The following VPS51 variants were observed in gnomAD, a reference collection of about 807,000 sequenced individuals.
The protein encoded by VPS51 is VPS51 subunit of GARP complex, also known as vacuolar protein sorting-associated protein 51 homolog.
Under a neutral mutation model 65.1 loss-of-function variants are expected in VPS51, and 55 were observed. The ratio of observed to expected loss-of-function variants is 0.84; its 90% CI spans 0.68 to 1.06. VPS51 has a LOEUF of 1.06. Among genes scored for constraint, VPS51 ranks in the 50% least tolerant of loss-of-function variants. The pLI is 0.00. For missense variants in VPS51, 943 were observed against 1,101.6 expected (o/e 0.86, Z 2.04); for synonymous variants, 473 against 489.5 (o/e 0.97, Z 0.44).
intron 5 of VPS51, 128 bp from the exon 6 acceptor site, chr11:65,109,152 A>C: frequency 8.9e-7 from 1 of 1,123,816 alleles, no homozygotes; most frequent in Non-Finnish European, 1.2e-6. Context: ...GCTCCGGGGT[A>C]CTTAGAATGT....
intron 2 of VPS51, among the ~76,000 whole-genome samples, chr11:65,097,856 C>CAA (rs201119869): frequency 6.7e-6 from 1 of 148,962 alleles, no homozygotes; most frequent in African/African-American, 2.5e-5. Context: ...GACCCTGTCT[C>CAA]AAAAAAAAGA....
chr11:65,109,125 C>T, intron 5 of VPS51, 155 bp from the exon 6 acceptor site: 1 of 1,042,632 alleles, frequency 9.6e-7, no homozygotes, highest in East Asian at 2.6e-5. Context: ...CTTTCTCTGC[C>T]CCCACTCAGG....
chr11:65,104,813 T>C (rs970239392), intron 2 of VPS51, among the ~76,000 whole-genome samples: 1 of 152,176 alleles, frequency 6.6e-6, no homozygotes, highest in African/African-American at 2.4e-5. Flanking sequence ...ACACAGAGAA[T>C]TGGAAGGCGC....
chr11:65,110,250 G>T, intron 7 of VPS51: 1 of 705,760 alleles, frequency 1.4e-6, no homozygotes, highest in Admixed American at 2.9e-5. Flanking sequence ...TCAGGGCAGG[G>T]TTGGTGCTGG....
chr11:65,107,912 C>T lies in VPS51; in HGVS notation c.615C>T (p.Arg205=). The T allele has an allele frequency of 1.3e-6, 2 of 1,553,910 alleles. No individual in the cohort carries two copies. The highest frequency in any genetic ancestry group is 1.2e-5 in the South Asian group (1 of 84,680). Residue 205 remains arginine (R), a synonymous_variant, in exon 4 of 10, where the codon CGC becomes CGT. Transcript: ENST00000279281. The surrounding 1 kb of genome is among the most constrained non-coding windows in gnomAD (Gnocchi z 4.0). ...AYGQAVRYQG[R]AQAVLQQYQH... is the part of the protein sequence containing the mutation. ...GGCAGGCGGTGCGCTACCAGGGCCG[C>T]GCGCAGGCCGTGCTGCAGCAGTACC...
Position 65,096,313 on chromosome 11 carries a change from G to A in VPS51, c.63G>A (p.Gly21=), listed in dbSNP as rs974578367. 2 of 1,507,450 alleles carry A rather than the reference G, an allele frequency of 1.3e-6. No homozygotes were observed. Among genetic ancestry groups the A allele is most frequent in the East Asian group, 5.2e-5 (2 of 38,782 alleles). 93.4% of individuals were successfully genotyped at this position (1,507,450 alleles called of 1,614,324 possible). ...CTGGACCTGGGGACTCCCCAGAAGG[G>A]CCCGAGGGGGAGGCTCCGGAGCGTC... ...PGSGPGDSPE[G]PEGEAPERRR... Residue 21 remains glycine, a synonymous_variant, in exon 1 of 10, where the codon GGG becomes GGA. Coordinates refer to ENST00000279281, the MANE Select transcript of VPS51 (RefSeq NM_013265.4).
rs1012897726 is a variant in VPS51 at position 65,109,128 on chromosome 11, C to T, written c.1444-152C>T. 1.0e-4 allele frequency: 105 copies of T among 1,048,282 alleles called. No homozygotes were observed. In the African/African-American group the frequency reaches 1.4e-3, roughly 14 times the overall value. The allele number at this position is 1,048,282 out of a possible 1,614,324, so 64.9% of individuals were successfully genotyped here. A position where few individuals can be genotyped will look rare whatever the true frequency, so the allele number is the denominator to read the frequency against. ...CCCCAGTGTTGGCTTTCTCTGCCCCCACTCAGGGAAGCTGCTCCGGGGTAC... is the reference window on the plus strand; with the variant it reads ...CCCCAGTGTTGGCTTTCTCTGCCCCTACTCAGGGAAGCTGCTCCGGGGTAC... On this transcript the variant is annotated intron_variant, in intron 5 of 9. Coordinates refer to ENST00000279281, the MANE Select transcript of VPS51 (RefSeq NM_013265.4).
chr11:65,108,711 C>T lies in VPS51; in HGVS notation c.1240C>T (p.Leu414Phe). 6.2e-7 allele frequency: 1 copy of T among 1,606,446 alleles called. No homozygotes were observed. The highest frequency in any genetic ancestry group is 8.5e-7 in the Non-Finnish European group (1 of 1,178,506). Residue 414 changes from leucine (L) to phenylalanine (F), a missense_variant, in exon 5 of 10, where the codon CTC becomes TTC. Transcript: ENST00000279281. The stretch of plus-strand genomic sequence containing the variant: ...GCGCCTGGGCCACCACCTGCAGGGT[C>T]TCCGGGCGGCCTTCCTGGGCTGCCT... ...RERLGHHLQGLRAAFLGCLTD... is the reference protein window; with the variant it reads ...RERLGHHLQGFRAAFLGCLTD...
At chr11:65,109,044 G>T in intron 5 of VPS51, 130 bp downstream of exon 5, 1 of 1,228,784 alleles carries the variant, frequency 8.1e-7, no homozygotes, top group Admixed American at 2.1e-5. Flanking sequence ...GCACGGTCTG[G>T]GGGGTGGGGA....
intron 2 of VPS51, among the ~76,000 whole-genome samples, chr11:65,098,678 T>C (rs1000959415): frequency 6.6e-6 from 1 of 152,176 alleles, no homozygotes; most frequent in Non-Finnish European, 1.5e-5. Flanking sequence ...ATTCCATGAG[T>C]AGGCACCTTT....
At chr11:65,102,315 T>G (rs1011748972) in intron 2 of VPS51, among the ~76,000 whole-genome samples, 2 of 152,220 alleles carry the variant, frequency 1.3e-5, no homozygotes, top group African/African-American at 4.8e-5. Context: ...CCTGCTTTTC[T>G]TAACAAGCTT....
chr11:65,107,740 G>A lies in VPS51; in HGVS notation c.505+13G>A, dbSNP rs996504887. 6.2e-6 allele frequency: 10 copies of A among 1,605,674 alleles called. No individual in the cohort carries two copies. In the African/African-American group the frequency reaches 9.4e-5, roughly 15 times the overall value. ...ACCAAGCTGGCAGGTGGGCGCTGCC[G>A]GGCAGGGCCTGCAGTGGGCCTTTCC... On this transcript the variant is annotated intron_variant, in intron 3 of 9. Transcript: ENST00000279281. This position sits in a 1 kb window ranked among gnomAD's most constrained non-coding sequence, Gnocchi z 4.0.
chr11:65,108,730 G>A lies in VPS51; in HGVS notation c.1259G>A (p.Gly420Asp). The A allele has an allele frequency of 6.2e-7, 1 of 1,610,204 alleles. No homozygotes were observed. Among genetic ancestry groups the A allele is most frequent in the Non-Finnish European group, 8.5e-7 (1 of 1,179,496 alleles). ...CAGGGTCTCCGGGCGGCCTTCCTGG[G>A]CTGCCTGACAGACGTCCGCCAGGCG... Reference protein sequence around the residue: ...HLQGLRAAFLGCLTDVRQALA... With the variant: ...HLQGLRAAFLDCLTDVRQALA... Residue 420 changes from glycine (G) to aspartate (D), a missense_variant, in exon 5 of 10, where the codon GGC becomes GAC. Physicochemically the swap from Gly to Asp is moderately conservative, Grantham distance 94. Around this residue, in one of 2 missense-constraint regions of VPS51, gnomAD observed 855 missense variants for 953.7 expected, o/e 0.90. Transcript: ENST00000279281.
At position 65,111,739 on chromosome 11, in the gene VPS51, G is replaced by T; in HGVS notation, c.*152G>T. On this transcript the variant is annotated 3_prime_UTR_variant, in exon 10 of 10. Coordinates refer to ENST00000279281, the MANE Select transcript of VPS51 (RefSeq NM_013265.4). ...GCTTGCTGGGCGGGCCTTTCCGGGG[G>T]CGGGGTTTTGAAGCTGAGGCTTCTG... is the stretch of plus-strand genomic sequence containing the variant. 1 of 1,335,918 alleles carries T rather than the reference G, an allele frequency of 7.5e-7. No individual in the cohort carries two copies. The highest frequency in any genetic ancestry group is 1.5e-5 in the African/African-American group (1 of 67,756). The allele number at this position is 1,335,918 out of a possible 1,614,324, so 82.8% of individuals were successfully genotyped here.
In VPS51 at chr11:65,111,724, C is replaced by A; in HGVS notation, c.*137C>A. The A allele has an allele frequency of 7.4e-7, 1 of 1,351,832 alleles. No individual in the cohort carries two copies. Among genetic ancestry groups the A allele is most frequent in the South Asian group, 1.5e-5 (1 of 65,770 alleles). The allele number at this position is 1,351,832 out of a possible 1,614,324, so 83.7% of individuals were successfully genotyped here. A position where few individuals can be genotyped will look rare whatever the true frequency, so the allele number is the denominator to read the frequency against. On this transcript the variant is annotated 3_prime_UTR_variant, in exon 10 of 10. Transcript: ENST00000279281. ...TGGCCTCCTCCTCTCGCTTGCTGGG[C>A]GGGCCTTTCCGGGGGCGGGGTTTTG...
Position 65,107,992 on chromosome 11 carries a change from G to A in VPS51, c.695G>A (p.Arg232His), listed in dbSNP as rs1947855254. The A allele has an allele frequency of 5.2e-6, 8 of 1,548,698 alleles. No individual in the cohort carries two copies. The highest frequency in any genetic ancestry group is 1.9e-4 in the Middle Eastern group (1 of 5,212). ...IQDDCQVITA[R>H]LAQQLRQRFR... The stretch of plus-strand genomic sequence containing the variant: ...GACGACTGCCAGGTCATCACGGCCC[G>A]CCTGGCCCAGCAGCTGCGGCAGCGC... Residue 232 changes from arginine (R) to histidine (H), a missense_variant, in exon 4 of 10, where the codon CGC becomes CAC. Arg to His is a conservative substitution (Grantham distance 29). Coordinates refer to ENST00000279281, the MANE Select transcript of VPS51 (RefSeq NM_013265.4). The surrounding 1 kb of genome is among the most constrained non-coding windows in gnomAD (Gnocchi z 4.0).
At chr11:65,106,268 G>A (rs142135201) in intron 2 of VPS51, among the ~76,000 whole-genome samples, 97 of 152,330 alleles carry the variant, frequency 6.4e-4, no homozygotes, top group Non-Finnish European at 1.2e-3. Flanking sequence ...TCATACTGCT[G>A]TAAAGAACTG....
Position 65,109,942 on chromosome 11 carries a change from G to C in VPS51, c.1878+19G>C. ...CGTGCAGGTGCTGCCCAGGCTGGCCGGGGTAGCCCTGACGCAGGCTGGGGG... is the reference window on the plus strand; with the variant it reads ...CGTGCAGGTGCTGCCCAGGCTGGCCCGGGTAGCCCTGACGCAGGCTGGGGG... On this transcript the variant is annotated intron_variant, in intron 7 of 9. Transcript: ENST00000279281. 6.4e-7 allele frequency: 1 copy of C among 1,573,784 alleles called. No homozygotes were observed. The highest frequency in any genetic ancestry group is 2.3e-5 in the East Asian group (1 of 43,750).
intron 2 of VPS51, among the ~76,000 whole-genome samples, chr11:65,100,535 T>G (rs1947801126): frequency 1.4e-5 from 2 of 140,450 alleles, no homozygotes; most frequent in African/African-American, 2.7e-5. Flanking sequence ...GTTTTTTTTT[T>G]TTTTTTTTTT....
Sources: allele counts gnomAD v4.1 joint callset (sites outside exome capture counted in the v4.1 genomes callset), GRCh38; gene constraint gnomAD v4.1.1; regional missense constraint gnomAD v4.1.1; non-coding constraint Gnocchi (gnomAD v3.1); transcripts MANE v1.5; gene names NCBI Gene and HGNC (gene_info 2026-07-23, HGNC 2026-07-21).